Variants in PRDM10 observed in about 807,000 individuals in gnomAD.
PRDM10 encodes PR domain zinc finger protein 10.
PRDM10 carries 65 observed loss-of-function variants against 133.1 expected under a neutral mutation model. The ratio of observed to expected loss-of-function variants is 0.49; its 90% confidence interval spans 0.40 to 0.60. The LOEUF is 0.60. PRDM10 is among the 20% of genes least tolerant of loss of function. The pLI is 0.00. For missense variants in PRDM10, 1,137 were observed against 1,507.1 expected (o/e 0.75, Z 4.07); for synonymous variants, 582 against 580.4 (o/e 1.00, Z -0.04).
Position 129,942,382 on chromosome 11 carries a change from C to G in PRDM10, c.966+44G>C, listed in dbSNP as rs114215845. On this transcript the variant is annotated intron_variant, in intron 7 of 20. Transcript: ENST00000360871. ...AAAATTGCAAAAAGCCCTAAACAAT[C>G]ACTCTTGCTAGCAAATAGCAGCACG... 1,334 of 1,562,990 alleles carry G rather than the reference C, an allele frequency of 8.5e-4. 8 individuals carry two copies. The African/African-American group carries it at 0.016, about 19-fold the overall frequency.
intron 1 of PRDM10, among the ~76,000 whole-genome samples, chr11:129,996,574 C>A (rs1037632244): frequency 3.9e-5 from 6 of 152,158 alleles, no homozygotes; most frequent in Non-Finnish European, 8.8e-5. Context: ...CATTTACTAC[C>A]TGGTCCTTTA....
intron 1 of PRDM10, among the ~76,000 whole-genome samples, chr11:129,972,170 C>A (rs1195990962): frequency 6.6e-6 from 1 of 152,228 alleles, no homozygotes; most frequent in African/African-American, 2.4e-5. Flanking sequence ...CCGCAAGCGC[C>A]GCGCGCAGCC....
At chr11:129,920,945 G>A (rs1479999341) in intron 13 of PRDM10, among the ~76,000 whole-genome samples, 2 of 152,042 alleles carry the variant, frequency 1.3e-5, no homozygotes. Flanking sequence ...TAACAGTCAT[G>A]CACCACCACG....
Position 129,944,763 on chromosome 11 carries a change from T to A in PRDM10, c.762+8A>T, listed in dbSNP as rs762775005. ...GACAGGAGTGAAGTGTGATAGAGCA[T>A]AAATTACCTTGAGGTGAATGTAACA... On this transcript the variant is annotated splice_region_variant and intron_variant, in intron 6 of 20. Transcript: ENST00000360871. 7 of 1,613,636 alleles carry A rather than the reference T, an allele frequency of 4.3e-6. No homozygotes were observed. The African/African-American group carries it at 6.7e-5, about 15-fold the overall frequency.
rs149908454 is a variant in PRDM10, at chr11:129,997,115, G to A, written c.-119+5607C>T. Among the ~76,000 whole-genome samples, 1,438 of 152,266 alleles carry A rather than the reference G, an allele frequency of 9.4e-3. 12 individuals carry two copies. The highest frequency in any genetic ancestry group is 0.013 in the Non-Finnish European group (898 of 68,020). Reference sequence around the variant, plus strand: ...GGCAGCTTAGGGCAAAACTGTCAACGGTGCAAACGTGGAAGTAAAAAAATA... The same window carrying A: ...GGCAGCTTAGGGCAAAACTGTCAACAGTGCAAACGTGGAAGTAAAAAAATA... On this transcript the variant is annotated intron_variant, in intron 1 of 20. Transcript: ENST00000360871.
chr11:129,993,610 G>A (rs1427067779), intron 1 of PRDM10, among the ~76,000 whole-genome samples: 3 of 151,714 alleles, frequency 2.0e-5, no homozygotes, highest in Admixed American at 6.6e-5. Flanking sequence ...TCAGCCTCCC[G>A]AGTAGCTGGA....
chr11:129,938,114 G>A (rs1951091950), intron 7 of PRDM10, among the ~76,000 whole-genome samples: 1 of 151,904 alleles, frequency 6.6e-6, no homozygotes, highest in Admixed American at 6.6e-5. Context: ...TGCTCACTCT[G>A]TTGGCCTCTT....
At chr11:129,926,480 C>G (rs565478508) in intron 11 of PRDM10, among the ~76,000 whole-genome samples, 2 of 152,294 alleles carry the variant, frequency 1.3e-5, no homozygotes, top group South Asian at 4.1e-4. Flanking sequence ...TAATGGAGAT[C>G]TTAGTGCGAT....
chr11:129,989,398 C>T (rs1400171250), intron 1 of PRDM10, among the ~76,000 whole-genome samples: 1 of 152,208 alleles, frequency 6.6e-6, no homozygotes, highest in Non-Finnish European at 1.5e-5. Context: ...CAGCTCCCTT[C>T]TGAACAGCAG....
intron 13 of PRDM10, among the ~76,000 whole-genome samples, chr11:129,920,550 A>G (rs1419393522): frequency 6.6e-6 from 1 of 152,040 alleles, no homozygotes; most frequent in Non-Finnish European, 1.5e-5. Context: ...CTAATTACTT[A>G]GCACAGCGCG....
intron 8 of PRDM10, among the ~76,000 whole-genome samples, chr11:129,935,587 T>A (rs1591627666): frequency 1.3e-5 from 2 of 152,152 alleles, no homozygotes; most frequent in African/African-American, 2.4e-5. Context: ...TGAGGGTATA[T>A]TTTAGCACAA....
At position 129,947,782 on chromosome 11, in the gene PRDM10, T is replaced by C. The variant is rs1008970582; in HGVS notation, c.295-412A>G. Among the ~76,000 whole-genome samples, 10 of 152,160 alleles carry C rather than the reference T, an allele frequency of 6.6e-5. No homozygotes were observed. The highest frequency in any genetic ancestry group is 2.4e-4 in the African/African-American group (10 of 41,426). Reference sequence around the variant, plus strand: ...TTCACACTGCTTGAGAGGCCTGCCCTGTCTCCCAAGACTTCAAATAGGTAA... The same window carrying C: ...TTCACACTGCTTGAGAGGCCTGCCCCGTCTCCCAAGACTTCAAATAGGTAA... On this transcript the variant is annotated intron_variant, in intron 4 of 20. Transcript: ENST00000360871. This position sits in a 1 kb window ranked among gnomAD's most constrained non-coding sequence, Gnocchi z 4.6.
chr11:129,972,965 C>T (rs184645089), intron 1 of PRDM10, among the ~76,000 whole-genome samples: 1 of 152,180 alleles, frequency 6.6e-6, no homozygotes, highest in Non-Finnish European at 1.5e-5. Flanking sequence ...TGGCAAGAGA[C>T]GAGCCCTCCC....
intron 19 of PRDM10, among the ~76,000 whole-genome samples, chr11:129,906,135 T>G (rs2135711591): frequency 6.6e-6 from 1 of 152,340 alleles, no homozygotes; most frequent in South Asian, 2.1e-4. Context: ...AACTTGAATT[T>G]TATTTCACCA....
chr11:129,946,355 A>G (rs1045165772), intron 5 of PRDM10, among the ~76,000 whole-genome samples: 6 of 152,200 alleles, frequency 3.9e-5, no homozygotes, highest in Non-Finnish European at 5.9e-5. Context: ...CTGGGATTAG[A>G]TGTGGAGCTT....
At chr11:129,974,873 A>G (rs1293070047) in intron 1 of PRDM10, among the ~76,000 whole-genome samples, 1 of 152,234 alleles carries the variant, frequency 6.6e-6, no homozygotes, top group African/African-American at 2.4e-5. Flanking sequence ...ACATGCTTCA[A>G]CAGGGAGGAA....
intron 15 of PRDM10, 148 bp from the exon 16 acceptor site, chr11:129,916,008 T>C: frequency 1.5e-6 from 1 of 676,272 alleles, no homozygotes; most frequent in African/African-American, 1.8e-5. Context: ...AACAGATCTA[T>C]TGAAGAGCAA....
rs1216441862 is a variant in PRDM10, at chr11:129,944,756, T to C, written c.762+15A>G. 3.1e-6 allele frequency: 5 copies of C among 1,613,630 alleles called. No homozygotes were observed. In the South Asian group the frequency reaches 3.3e-5, roughly 11 times the overall value. On this transcript the variant is annotated intron_variant, in intron 6 of 20. Transcript: ENST00000360871. ...GGTAAAGGACAGGAGTGAAGTGTGA[T>C]AGAGCATAAATTACCTTGAGGTGAA...
chr11:129,987,263 G>C (rs545649297), intron 1 of PRDM10, among the ~76,000 whole-genome samples: 1 of 152,276 alleles, frequency 6.6e-6, no homozygotes, highest in African/African-American at 2.4e-5. Context: ...TTCCTGCCAT[G>C]TCAACAAACC....
Sources: allele counts gnomAD v4.1 joint callset (sites outside exome capture counted in the v4.1 genomes callset), GRCh38; gene constraint gnomAD v4.1.1; non-coding constraint Gnocchi (gnomAD v3.1); transcripts MANE v1.5; gene names NCBI Gene and HGNC (gene_info 2026-07-23, HGNC 2026-07-21).